ZDHHC17: variants seen among roughly 807,000 people sequenced by gnomAD.
The protein encoded by ZDHHC17 is zDHHC palmitoyltransferase 17.
A neutral mutation model predicts 90.3 loss-of-function variants in ZDHHC17; 40 were observed. The ratio of observed to expected loss-of-function variants is 0.44; its 90% confidence interval spans 0.34 to 0.58. ZDHHC17 has a LOEUF of 0.58. Ranked by LOEUF, ZDHHC17 falls within the 20% of genes least tolerant of loss-of-function variation. The probability of loss-of-function intolerance (pLI) is 0.01; values close to 1 mark genes in which losing one functional copy is unlikely to be tolerated. For synonymous variants in ZDHHC17, 235 were observed against 252.4 expected, an observed-to-expected ratio of 0.93 and a Z score of 0.65; for missense variants, 614 against 780.8, an observed-to-expected ratio of 0.79 and a Z score of 2.55.
At chr12:76,837,281 A>C (rs1592496128) in intron 10 of ZDHHC17, among the ~76,000 whole-genome samples, 2 of 152,146 alleles carry the variant, frequency 1.3e-5, no homozygotes, top group African/African-American at 4.8e-5. Flanking sequence ...GATTACAGGC[A>C]TGTGCCACCA....
chr12:76,820,788 G>T (rs1464261032), intron 7 of ZDHHC17, among the ~76,000 whole-genome samples: 1 of 152,072 alleles, frequency 6.6e-6, no homozygotes, highest in East Asian at 1.9e-4. Flanking sequence ...CAAAACCTTT[G>T]AATGATTTCT....
At chr12:76,830,314 T>A (rs1434458516) in intron 10 of ZDHHC17, among the ~76,000 whole-genome samples, 3 of 152,234 alleles carry the variant, frequency 2.0e-5, no homozygotes, top group Non-Finnish European at 4.4e-5. Flanking sequence ...AGTCCCCTTG[T>A]GTTTTAGTTG....
intron 1 of ZDHHC17, among the ~76,000 whole-genome samples, chr12:76,797,047 G>A (rs552728576): frequency 2.1e-4 from 32 of 152,020 alleles, no homozygotes; most frequent in African/African-American, 7.7e-4. Context: ...GGCGGATCAC[G>A]AGGTCAGGAG....
intron 13 of ZDHHC17, chr12:76,846,247 T>C (rs1279069786): frequency 3.9e-6 from 1 of 258,818 alleles, no homozygotes; most frequent in Admixed American, 4.9e-5. Context: ...AAAGATTGTT[T>C]ACCTCTGTTG....
In ZDHHC17 at chr12:76,822,229, T is replaced by C. The variant is rs539939415; in HGVS notation, c.772-177T>C. Among the ~76,000 whole-genome samples the C allele has an allele frequency of 3.5e-4, 53 of 152,358 alleles. 2 individuals are homozygous for C. The South Asian group carries it at 0.01, about 29-fold the overall frequency. On this transcript the variant is annotated intron_variant, in intron 7 of 16. Coordinates refer to ENST00000426126, the MANE Select transcript of ZDHHC17 (RefSeq NM_015336.4). Reference sequence around the variant, plus strand: ...GATGAGAAAATACATTTTGTGATTATTCTTTGGGAAAGCGTAATAAGAAAC... The same window carrying C: ...GATGAGAAAATACATTTTGTGATTACTCTTTGGGAAAGCGTAATAAGAAAC...
intron 10 of ZDHHC17, among the ~76,000 whole-genome samples, chr12:76,841,263 C>T (rs1261013361): frequency 6.6e-6 from 1 of 152,120 alleles, no homozygotes; most frequent in Non-Finnish European, 1.5e-5. Flanking sequence ...ACAGTGGGTA[C>T]ACATGATAAT....
intron 1 of ZDHHC17, chr12:76,764,947 T>G (rs1952414960): frequency 4.6e-6 from 2 of 434,696 alleles, no homozygotes; most frequent in South Asian, 1.6e-5. Flanking sequence ...CAAAGTACCG[T>G]TTTTCTAGGA....
rs114131263 is a variant in ZDHHC17, at chr12:76,789,392, G to C, written c.94-8042G>C. Among the ~76,000 whole-genome samples the C allele has an allele frequency of 5.0e-3, 767 of 152,238 alleles. 6 individuals are homozygous for C. Among genetic ancestry groups the C allele is most frequent in the African/African-American group, 0.018 (734 of 41,540 alleles). ...TCTAATGGTGAAGAGAATGTTAGGG[G>C]AAGACAGAGAAGAGGAAAGCCTAAA... On this transcript the variant is annotated intron_variant, in intron 1 of 16. Transcript: ENST00000426126.
At chr12:76,773,267 C>T (rs1046055439) in intron 1 of ZDHHC17, among the ~76,000 whole-genome samples, 1 of 152,170 alleles carries the variant, frequency 6.6e-6, no homozygotes, top group Non-Finnish European at 1.5e-5. Context: ...TCCTTCCCAC[C>T]AATCCCTGAT....
intron 15 of ZDHHC17, among the ~76,000 whole-genome samples, chr12:76,848,912 C>T (rs1953526463): frequency 6.6e-6 from 1 of 151,742 alleles, no homozygotes. Flanking sequence ...GATGGAAAAC[C>T]AAAAACAGAC....
chr12:76,833,705 T>C (rs931602264), intron 10 of ZDHHC17, among the ~76,000 whole-genome samples: 2 of 152,136 alleles, frequency 1.3e-5, no homozygotes, highest in African/African-American at 4.8e-5. Flanking sequence ...GGCAGGAGAA[T>C]GGCATGAACC....
rs538774754 is a variant in ZDHHC17 at position 76,852,885 on chromosome 12, A to C, written c.*1900A>C. On this transcript the variant is annotated 3_prime_UTR_variant, in exon 17 of 17. Coordinates refer to ENST00000426126, the MANE Select transcript of ZDHHC17 (RefSeq NM_015336.4). ...CAAATGTCAGCTAGTTTTGACTACT[A>C]ATTGGGGGAAATTTTAGATAATTTT... 2.4e-4 allele frequency: 36 copies of C among 152,714 alleles called. No individual in the cohort carries two copies. The highest frequency in any genetic ancestry group is 8.7e-4 in the African/African-American group (36 of 41,578). The allele number at this position is 152,714 out of a possible 1,614,324, so 9.5% of individuals were successfully genotyped here. A position where few individuals can be genotyped will look rare whatever the true frequency, so the allele number is the denominator to read the frequency against.
At chr12:76,772,507 G>A (rs1486713691) in intron 1 of ZDHHC17, among the ~76,000 whole-genome samples, 4 of 148,292 alleles carry the variant, frequency 2.7e-5, no homozygotes, top group Non-Finnish European at 5.9e-5. Context: ...CACTCTTCGT[G>A]TTGTGTATTC....
At chr12:76,793,988 C>A (rs1952790585) in intron 1 of ZDHHC17, among the ~76,000 whole-genome samples, 1 of 152,212 alleles carries the variant, frequency 6.6e-6, no homozygotes, top group African/African-American at 2.4e-5. Flanking sequence ...TGGGTTCATG[C>A]CTTTCTCCTG....
Position 76,852,357 on chromosome 12 carries a change from G to C in ZDHHC17, c.*1372G>C, listed in dbSNP as rs1193996299. ...ATGACAGATCCTAGACCAATGTAAAGAATGTGTATCTGTATATAAATAATT... is the reference window on the plus strand; with the variant it reads ...ATGACAGATCCTAGACCAATGTAAACAATGTGTATCTGTATATAAATAATT... On this transcript the variant is annotated 3_prime_UTR_variant, in exon 17 of 17. Coordinates refer to ENST00000426126, the MANE Select transcript of ZDHHC17 (RefSeq NM_015336.4). 1 of 152,622 alleles carries C rather than the reference G, an allele frequency of 6.6e-6. No homozygotes were observed. Among genetic ancestry groups the C allele is most frequent in the Non-Finnish European group, 1.5e-5 (1 of 68,034 alleles). The allele number at this position is 152,622 out of a possible 1,614,324, so 9.5% of individuals were successfully genotyped here.
chr12:76,816,710 G>A (rs747491253), intron 7 of ZDHHC17, among the ~76,000 whole-genome samples: 4 of 151,912 alleles, frequency 2.6e-5, no homozygotes, highest in Non-Finnish European at 5.9e-5. Context: ...ATCTCTTTAT[G>A]TTCCAAGGAA....
chr12:76,805,291 A>G, intron 2 of ZDHHC17, 26 bp from the exon 3 acceptor site: 4 of 1,553,304 alleles, frequency 2.6e-6, no homozygotes, highest in Non-Finnish European at 3.5e-6. Context: ...AAATAATAAC[A>G]ATGCCATATT....
chr12:76,850,065 A>C (rs573787712), intron 16 of ZDHHC17, among the ~76,000 whole-genome samples: 2 of 152,188 alleles, frequency 1.3e-5, no homozygotes, highest in East Asian at 1.9e-4. Context: ...GATTACAGGC[A>C]TGCACCACGC....
chr12:76,820,573 T>A (rs979213175), intron 7 of ZDHHC17, among the ~76,000 whole-genome samples: 4 of 152,172 alleles, frequency 2.6e-5, no homozygotes, highest in African/African-American at 9.7e-5. Flanking sequence ...AATATAAAAT[T>A]ACTGAGCTCT....
Sources: allele counts gnomAD v4.1 joint callset (sites outside exome capture counted in the v4.1 genomes callset), GRCh38; gene constraint gnomAD v4.1.1; transcripts MANE v1.5; gene names NCBI Gene and HGNC (gene_info 2026-07-23, HGNC 2026-07-21).